OXR1: variants seen among roughly 807,000 people sequenced by gnomAD.
OXR1 encodes the protein oxidation resistance 1, also known as oxidation resistance protein 1.
OXR1 carries 41 observed loss-of-function variants against 104.6 expected under a neutral mutation model. That is an observed-to-expected ratio of 0.39 (90% CI 0.31 to 0.51). The LOEUF is 0.51. OXR1 is among the 20% of genes least tolerant of loss of function. The pLI is 0.77. For missense variants in OXR1, 955 were observed against 1,031.9 expected (o/e 0.93, Z 1.02); for synonymous variants, 348 against 348.4 (o/e 1.00, Z 0.01).
At chr8:106,424,928 C>T (rs1195339590) in intron 2 of OXR1, among the ~76,000 whole-genome samples, 6 of 151,752 alleles carry the variant, frequency 4.0e-5, no homozygotes, top group Admixed American at 3.9e-4. Context: ...TTAAAACTCT[C>T]CTCAAGATTG....
At chr8:106,581,088 A>C in intron 3 of OXR1, 1 of 1,207,202 alleles carries the variant, frequency 8.3e-7, no homozygotes, top group Non-Finnish European at 1.0e-6. Context: ...AAGATGGAGG[A>C]AAAATATGGT....
chr8:106,513,470 A>G lies in OXR1; in HGVS notation c.24-5473A>G, dbSNP rs1045919887. On this transcript the variant is annotated intron_variant, in intron 2 of 16. Coordinates refer to ENST00000517566, the MANE Select transcript of OXR1 (RefSeq NM_001198533.2). Reference sequence around the variant, plus strand: ...TCTGATGGGTTTAGTTGTTTTCTGAAAGATTTGGGGATTGTCGTGAAAGAA... The same window carrying G: ...TCTGATGGGTTTAGTTGTTTTCTGAGAGATTTGGGGATTGTCGTGAAAGAA... Among the ~76,000 whole-genome samples the G allele has an allele frequency of 3.3e-5, 5 of 152,048 alleles. No homozygotes were observed. The East Asian group carries it at 9.6e-4, about 29-fold the overall frequency.
intron 1 of OXR1, among the ~76,000 whole-genome samples, chr8:106,348,310 C>T (rs1440512376): frequency 6.6e-6 from 1 of 152,116 alleles, no homozygotes; most frequent in East Asian, 1.9e-4. Context: ...CAAACACACA[C>T]GCACACACCC....
At chr8:106,565,576 C>T (rs566804929) in intron 3 of OXR1, among the ~76,000 whole-genome samples, 1 of 152,212 alleles carries the variant, frequency 6.6e-6, no homozygotes, top group South Asian at 2.1e-4. Context: ...AGATTCCATG[C>T]TATTCCCATC....
intron 7 of OXR1, among the ~76,000 whole-genome samples, chr8:106,696,112 G>A (rs117199193): frequency 1.1e-3 from 166 of 152,208 alleles, no homozygotes; most frequent in Middle Eastern, 3.4e-3. Flanking sequence ...TGCACCACCT[G>A]TTCATCCCTC....
At chr8:106,738,759 CA>C (rs149629286) in intron 12 of OXR1, among the ~76,000 whole-genome samples, 1 of 151,392 alleles carries the variant, frequency 6.6e-6, no homozygotes, top group Non-Finnish European at 1.5e-5. Context: ...TTCCACCAAG[CA>C]AAAAAGCATG....
Position 106,527,792 on chromosome 8 carries a change from G to A in OXR1, c.220+8653G>A, listed in dbSNP as rs144044256. Reference sequence around the variant, plus strand: ...ATAGAGTGAGTGGAATTAAGTCTCTGGAAGTTAAATGACTTATTCATGGTC... The same window carrying A: ...ATAGAGTGAGTGGAATTAAGTCTCTAGAAGTTAAATGACTTATTCATGGTC... On this transcript the variant is annotated intron_variant, in intron 3 of 16. Coordinates refer to ENST00000517566, the MANE Select transcript of OXR1 (RefSeq NM_001198533.2). 5.2e-3 allele frequency among the ~76,000 whole-genome samples: 795 copies of A among 152,288 alleles called. 7 individuals are homozygous for A. The highest frequency in any genetic ancestry group is 0.018 in the African/African-American group (750 of 41,564).
chr8:106,406,388 T>A (rs1034026415), intron 2 of OXR1, among the ~76,000 whole-genome samples: 2 of 152,162 alleles, frequency 1.3e-5, no homozygotes, highest in Admixed American at 6.6e-5. Context: ...AAAGTGCCTG[T>A]CTCCCTGCAA....
chr8:106,720,253 A>G (rs1832713633), intron 11 of OXR1, among the ~76,000 whole-genome samples: 1 of 152,202 alleles, frequency 6.6e-6, no homozygotes, highest in Non-Finnish European at 1.5e-5. Context: ...CAAACATATC[A>G]TTGCCAAGGT....
At chr8:106,457,805 G>A (rs1820680490) in intron 2 of OXR1, among the ~76,000 whole-genome samples, 1 of 152,154 alleles carries the variant, frequency 6.6e-6, no homozygotes, top group African/African-American at 2.4e-5. Context: ...CTTACAAAAT[G>A]GCAAAGAAGT....
intron 2 of OXR1, among the ~76,000 whole-genome samples, chr8:106,484,879 A>G (rs898065279): frequency 3.9e-5 from 6 of 152,090 alleles, no homozygotes; most frequent in Admixed American, 1.3e-4. Flanking sequence ...CTACCTACTG[A>G]TATTTAAAGC....
In OXR1 at chr8:106,415,493, C is replaced by CTGTGTG. The variant is rs5893788; in HGVS notation, c.23+55875_23+55880dup. 2.7e-3 allele frequency among the ~76,000 whole-genome samples: 409 copies of CTGTGTG among 148,994 alleles called. 1 individual carries two copies. The highest frequency in any genetic ancestry group is 0.024 in the South Asian group (112 of 4,680). ...CCTTTACCATTTGGTAATTTTAAGA[C>CTGTGTG]TGTGTGTGTGTGTGTGTGTGTGTCT... On this transcript the variant is annotated intron_variant, in intron 2 of 16. Transcript: ENST00000517566.
intron 1 of OXR1, among the ~76,000 whole-genome samples, chr8:106,300,418 C>T (rs1211816799): frequency 1.3e-5 from 2 of 151,978 alleles, no homozygotes; most frequent in Non-Finnish European, 2.9e-5. Flanking sequence ...TGACCTAGCT[C>T]CAATGAGTGG....
chr8:106,723,474 G>A (rs1200752983), intron 11 of OXR1, among the ~76,000 whole-genome samples: 1 of 149,984 alleles, frequency 6.7e-6, no homozygotes, highest in African/African-American at 2.5e-5. Context: ...CTCCAGCCTG[G>A]GCGACAGAGC....
At chr8:106,692,919 A>G (rs546694616) in intron 7 of OXR1, 42 bp downstream of exon 7, 56 of 1,387,836 alleles carry the variant, frequency 4.0e-5, no homozygotes, top group Admixed American at 1.3e-4. Flanking sequence ...ATCATGCTTT[A>G]GTTATTACTA....
chr8:106,437,964 T>C (rs2130580422), intron 2 of OXR1, among the ~76,000 whole-genome samples: 1 of 152,280 alleles, frequency 6.6e-6, no homozygotes, highest in South Asian at 2.1e-4. Context: ...TACTGGGGGC[T>C]TATACACTAG....
chr8:106,309,032 G>T (rs1181411663), intron 1 of OXR1, among the ~76,000 whole-genome samples: 2 of 150,714 alleles, frequency 1.3e-5, no homozygotes, highest in African/African-American at 2.4e-5. Context: ...AGGCTGGGCT[G>T]CAGTGGCACA....
intron 2 of OXR1, among the ~76,000 whole-genome samples, chr8:106,461,438 G>C (rs1474121582): frequency 6.6e-6 from 1 of 152,060 alleles, no homozygotes; most frequent in East Asian, 1.9e-4. Context: ...AGGCATGGTG[G>C]CGTGTACCTG....
chr8:106,478,742 T>C lies in OXR1; in HGVS notation c.24-40201T>C, dbSNP rs141918244. 3.8e-3 allele frequency among the ~76,000 whole-genome samples: 577 copies of C among 151,958 alleles called. 1 individual carries two copies. The highest frequency in any genetic ancestry group is 6.9e-3 in the Non-Finnish European group (468 of 67,868). On this transcript the variant is annotated intron_variant, in intron 2 of 16. Transcript: ENST00000517566. ...TAATTCTAAAAAATAATTTGTACTA[T>C]TATTTAATTTTTCCTACTGCTTGCT...
Sources: allele counts gnomAD v4.1 joint callset (sites outside exome capture counted in the v4.1 genomes callset), GRCh38; gene constraint gnomAD v4.1.1; transcripts MANE v1.5; gene names NCBI Gene and HGNC (gene_info 2026-07-23, HGNC 2026-07-21).